Variants in INSR observed in about 807,000 individuals in gnomAD.
The protein encoded by INSR is insulin receptor.
Under a neutral mutation model 142.6 loss-of-function variants are expected in INSR, and 67 were observed. That is an observed-to-expected ratio of 0.47 (90% CI 0.39 to 0.58). The LOEUF is 0.58. Ranked by LOEUF, INSR falls within the 20% of genes least tolerant of loss-of-function variation. The pLI, the probability that INSR is intolerant of heterozygous loss-of-function variation, is 0.00. For missense variants in INSR, 1,248 were observed against 1,833.2 expected (o/e 0.68, Z 5.83); for synonymous variants, 756 against 743.1 (o/e 1.02, Z -0.28).
intron 1 of INSR, among the ~76,000 whole-genome samples, chr19:7,278,638 C>G (rs1387209792): frequency 6.6e-6 from 1 of 152,162 alleles, no homozygotes; most frequent in African/African-American, 2.4e-5. Flanking sequence ...GGGGGTGGAT[C>G]ACCTGAGGTC....
intron 11 of INSR, 140 bp from the exon 12 acceptor site, chr19:7,143,230 T>C: frequency 1.1e-6 from 1 of 928,598 alleles, no homozygotes; most frequent in Non-Finnish European, 1.7e-6. Flanking sequence ...TGGATTACAA[T>C]ACAGACTGCC....
intron 2 of INSR, among the ~76,000 whole-genome samples, chr19:7,196,677 C>A (rs1327794803): frequency 6.6e-6 from 1 of 151,920 alleles, no homozygotes; most frequent in East Asian, 1.9e-4. Context: ...GATTCGATAG[C>A]TCCACATATG....
intron 2 of INSR, among the ~76,000 whole-genome samples, chr19:7,220,149 A>G (rs566369757): frequency 2.0e-5 from 3 of 152,298 alleles, no homozygotes; most frequent in Non-Finnish European, 2.9e-5. Flanking sequence ...CTTCCCAAGC[A>G]AAATATGATT....
chr19:7,197,522 T>G (rs993751035), intron 2 of INSR, among the ~76,000 whole-genome samples: 1,424 of 140,316 alleles, frequency 0.01, 85 homozygotes, highest in African/African-American at 0.037. Flanking sequence ...TGGGGGTGTG[T>G]GTGTGTGTGT....
At chr19:7,263,388 G>A (rs192842440) in intron 2 of INSR, among the ~76,000 whole-genome samples, 2 of 152,032 alleles carry the variant, frequency 1.3e-5, no homozygotes, top group African/African-American at 2.4e-5. Flanking sequence ...CAAAGACAGG[G>A]GCAACAGTTC....
intron 2 of INSR, among the ~76,000 whole-genome samples, chr19:7,259,802 G>C (rs1274074557): frequency 6.8e-6 from 1 of 146,440 alleles, no homozygotes; most frequent in Non-Finnish European, 1.5e-5. Context: ...CTGGACAACA[G>C]AGCGAGACTC....
At chr19:7,132,370 A>G in intron 13 of INSR, 53 bp from the exon 14 acceptor site, 1 of 1,591,104 alleles carries the variant, frequency 6.3e-7, no homozygotes, top group Non-Finnish European at 8.6e-7. Context: ...CACATCTGGG[A>G]GTGTCCACCC....
chr19:7,211,439 T>A (rs1975271683), intron 2 of INSR, among the ~76,000 whole-genome samples: 1 of 152,134 alleles, frequency 6.6e-6, no homozygotes, highest in African/African-American at 2.4e-5. Flanking sequence ...ACAATCCAGG[T>A]AAGGATTTCA....
intron 9 of INSR, among the ~76,000 whole-genome samples, chr19:7,162,756 G>A (rs1054797885): frequency 6.6e-6 from 1 of 151,984 alleles, no homozygotes; most frequent in Non-Finnish European, 1.5e-5. Context: ...AGAGGTGGAG[G>A]TTGCGATGAG....
intron 13 of INSR, among the ~76,000 whole-genome samples, chr19:7,137,634 AAAT>A (rs1972965597): frequency 6.6e-6 from 1 of 151,778 alleles, no homozygotes; most frequent in Admixed American, 6.6e-5. Context: ...TTAAAAATAC[AAAT>A]ATTAGCTGGG....
intron 2 of INSR, among the ~76,000 whole-genome samples, chr19:7,239,753 T>C (rs1976282016): frequency 6.6e-6 from 1 of 152,024 alleles, no homozygotes; most frequent in African/African-American, 2.4e-5. Flanking sequence ...CAAGATACTA[T>C]GTAGCACTTA....
Position 7,267,511 on chromosome 19 carries a change from A to G in INSR, c.486T>C (p.Arg162=), listed in dbSNP as rs1290788895. The change falls in exon 2 of 22, where the codon CGT becomes CGC. Residue 162 remains arginine (R), a synonymous_variant. Transcript: ENST00000302850. This position sits in a 1 kb window ranked among gnomAD's most constrained non-coding sequence, Gnocchi z 6.3. Reference sequence around the variant, plus strand: ...AATTATCCTCCACGGAATCCAGGATACGGGACCAGTCGATAGTGGCCAAGT... The same window carrying G: ...AATTATCCTCCACGGAATCCAGGATGCGGGACCAGTCGATAGTGGCCAAGT... ...LCYLATIDWS[R]ILDSVEDNYI... 1.9e-6 allele frequency: 3 copies of G among 1,614,012 alleles called. No individual in the cohort carries two copies. The highest frequency in any genetic ancestry group is 2.5e-6 in the Non-Finnish European group (3 of 1,180,036).
intron 10 of INSR, among the ~76,000 whole-genome samples, chr19:7,151,566 G>A (rs1215878486): frequency 6.6e-6 from 1 of 151,674 alleles, no homozygotes; most frequent in Non-Finnish European, 1.5e-5. Flanking sequence ...GATTACACGA[G>A]TGAGCCACTG....
Position 7,142,860 on chromosome 19 carries a change from C to T in INSR, c.2498G>A (p.Arg833Gln), listed in dbSNP as rs777565396. ...QACNQDTPEERCSVAAYVSAR... is the reference protein window; with the variant it reads ...QACNQDTPEEQCSVAAYVSAR... ...ACTGACGTAGGCTGCCACACTGCAC[C>T]GTTCCTCAGGGGTGTCCTGGTTGCA... Residue 833 changes from arginine (R) to glutamine (Q), a missense_variant, in exon 12 of 22, where the codon CGG becomes CAG. By Grantham distance (43) the Arg-to-Gln change is conservative. Coordinates refer to ENST00000302850, the MANE Select transcript of INSR (RefSeq NM_000208.4). The T allele has an allele frequency of 6.8e-6, 11 of 1,613,980 alleles. No homozygotes were observed. The highest frequency in any genetic ancestry group is 1.1e-5 in the South Asian group (1 of 91,084).
chr19:7,128,801 C>A (rs1394689342), intron 15 of INSR, 51 bp downstream of exon 15: 2 of 1,263,232 alleles, frequency 1.6e-6, no homozygotes, highest in Non-Finnish European at 2.3e-6. Flanking sequence ...GGCATGTTTT[C>A]CCCCAGAGAA....
chr19:7,131,985 CA>C (rs148055651), intron 14 of INSR, among the ~76,000 whole-genome samples, 172 bp downstream of exon 14: 106 of 140,610 alleles, frequency 7.5e-4, no homozygotes, highest in African/African-American at 9.6e-4. Flanking sequence ...GCCTCCATCT[CA>C]AAAAAAAAAA....
intron 1 of INSR, among the ~76,000 whole-genome samples, chr19:7,281,572 T>C (rs1050108309): frequency 8.6e-5 from 13 of 151,934 alleles, no homozygotes; most frequent in African/African-American, 2.9e-4. Context: ...TCCCAGCTAC[T>C]TGGGAGGAGG....
chr19:7,211,199 T>C (rs901240692), intron 2 of INSR, among the ~76,000 whole-genome samples: 2 of 152,146 alleles, frequency 1.3e-5, no homozygotes, highest in African/African-American at 4.8e-5. Flanking sequence ...CCCATGTAGC[T>C]GCGACTACAG....
Position 7,150,119 on chromosome 19 carries a change from G to A in INSR, c.2267+378C>T, listed in dbSNP as rs1041183653. Reference sequence around the variant, plus strand: ...TTCATGGTGTAGGAGCTGCTGGGTCGGGGCACCCAGCCGCGGGGAGCTCAG... The same window carrying A: ...TTCATGGTGTAGGAGCTGCTGGGTCAGGGCACCCAGCCGCGGGGAGCTCAG... On this transcript the variant is annotated intron_variant, in intron 11 of 21. Transcript: ENST00000302850. The surrounding 1 kb of genome is among the most constrained non-coding windows in gnomAD (Gnocchi z 4.2). Among the ~76,000 whole-genome samples the A allele has an allele frequency of 1.3e-5, 2 of 151,982 alleles. No individual in the cohort carries two copies. Among genetic ancestry groups the A allele is most frequent in the Admixed American group, 1.3e-4 (2 of 15,256 alleles).
Sources: allele counts gnomAD v4.1 joint callset (sites outside exome capture counted in the v4.1 genomes callset), GRCh38; gene constraint gnomAD v4.1.1; non-coding constraint Gnocchi (gnomAD v3.1); transcripts MANE v1.5; gene names NCBI Gene and HGNC (gene_info 2026-07-23, HGNC 2026-07-21).